NMRAL1: variants seen among roughly 807,000 people sequenced by gnomAD.
NMRAL1 encodes the protein NmrA like redox sensor 1.
In NMRAL1, 32 loss-of-function variants were observed where a neutral mutation model predicts 27.5. The ratio of observed to expected loss-of-function variants is 1.16; its 90% CI spans 0.88 to 1.56. The LOEUF (loss-of-function observed/expected upper bound fraction) is 1.56, where lower values mean the gene tolerates loss of function less well. Among genes scored for constraint, NMRAL1 ranks in the 40% most tolerant of loss-of-function variants. The probability of loss-of-function intolerance (pLI) is 0.00; values close to 1 mark genes in which losing one functional copy is unlikely to be tolerated. For missense variants in NMRAL1, 420 were observed against 392.0 expected, an observed-to-expected ratio of 1.07 and a Z score of -0.60; for synonymous variants, 166 against 166.8, an observed-to-expected ratio of 1.00 and a Z score of 0.04.
intron 5 of NMRAL1, among the ~76,000 whole-genome samples, chr16:4,463,088 C>T (rs934353819): frequency 4.6e-5 from 7 of 152,162 alleles, no homozygotes; most frequent in African/African-American, 1.2e-4. Flanking sequence ...CTCCTGACCT[C>T]AGGTGATCCA....
upstream of NMRAL1, chr16:4,474,945 A>T (rs1200956000): frequency 2.0e-5 from 3 of 152,058 alleles, no homozygotes; most frequent in Non-Finnish European, 4.4e-5. Context: ...ACTCACTTTT[A>T]AAATTTTATT....
intron 2 of NMRAL1, among the ~76,000 whole-genome samples, chr16:4,473,754 C>T (rs112787640): frequency 2.6e-5 from 4 of 151,852 alleles, no homozygotes; most frequent in African/African-American, 7.3e-5. Context: ...GATGAAACCC[C>T]GTCTCTACTA....
rs539756976 is a variant in NMRAL1 at position 4,464,598 on chromosome 16, T to C, written c.530-748A>G. The stretch of plus-strand genomic sequence containing the variant: ...AGCGCACAGACCGGAGCAGGAGATA[T>C]CCCTGACTGCAGGTTTTTTTTTTTT... On this transcript the variant is annotated intron_variant, in intron 4 of 5. Transcript: ENST00000283429. Among the ~76,000 whole-genome samples, 11 of 148,752 alleles carry C rather than the reference T, an allele frequency of 7.4e-5. No individual in the cohort carries two copies. The East Asian group carries it at 2.2e-3, about 29-fold the overall frequency.
Position 4,469,335 on chromosome 16 carries a change from T to C in NMRAL1, c.171A>G (p.Gly57=), listed in dbSNP as rs374640354. 10 of 1,613,928 alleles carry C rather than the reference T, an allele frequency of 6.2e-6. No homozygotes were observed. The African/African-American group carries it at 1.3e-4, about 22-fold the overall frequency. ...CCATGATGACCTGGTCATCTTGGTC[T>C]CCCTGCACTACTTCTGCACCTTGCA... ...LRLQGAEVVQ[G]DQDDQVIMEL... is the part of the protein sequence containing the mutation. Residue 57 remains glycine (G), a synonymous_variant, in exon 3 of 6, where the codon GGA becomes GGG. Coordinates refer to ENST00000283429, the MANE Select transcript of NMRAL1 (RefSeq NM_020677.6).
rs2057464971 is a variant in NMRAL1 at position 4,469,450 on chromosome 16, G to T, written c.56C>A (p.Ser19Tyr). 1 of 1,613,760 alleles carries T rather than the reference G, an allele frequency of 6.2e-7. No homozygotes were observed. Residue 19 changes from serine to tyrosine, a missense_variant, in exon 3 of 6, where the codon TCC (serine) becomes TAC (tyrosine). By Grantham distance (144) the Ser-to-Tyr change is moderately radical (BLOSUM62 -2). Coordinates refer to ENST00000283429, the MANE Select transcript of NMRAL1 (RefSeq NM_020677.6). ...VFGGTGAQGG[S>Y]VARTLLEDGT... ...ATCTTCCAGGAGTGTGCGGGCCACG[G>T]AGCCACCCTGGGCACCTACAAAGAA...
upstream of NMRAL1, among the ~76,000 whole-genome samples, chr16:4,475,713 G>T (rs2057804074): frequency 6.6e-6 from 1 of 151,788 alleles, no homozygotes; most frequent in African/African-American, 2.4e-5. Flanking sequence ...CGAGGCGGGT[G>T]GATCACCTGA....
chr16:4,466,370 C>T lies in NMRAL1; in HGVS notation c.312G>A (p.Leu104=), dbSNP rs1159583856. Residue 104 remains leucine (L), a synonymous_variant, in exon 4 of 6, where the codon CTG becomes CTA. Coordinates refer to ENST00000283429, the MANE Select transcript of NMRAL1 (RefSeq NM_020677.6). ...GKLLADLARR[L]GLHYVVYSGL... ...CGCTGTAGACCACATAGTGGAGGCC[C>T]AGGCGCCTGGCCAGATCAGCGAGCA... 6.2e-7 allele frequency: 1 copy of T among 1,613,128 alleles called. No individual in the cohort carries two copies. The highest frequency in any genetic ancestry group is 8.5e-7 in the Non-Finnish European group (1 of 1,180,006).
intron 2 of NMRAL1, among the ~76,000 whole-genome samples, chr16:4,472,801 G>T (rs1039728077): frequency 6.6e-6 from 1 of 150,632 alleles, no homozygotes; most frequent in Non-Finnish European, 1.5e-5. Flanking sequence ...AACAAACCTT[G>T]AAAACATGCT....
intron 4 of NMRAL1, among the ~76,000 whole-genome samples, chr16:4,464,759 C>T (rs897700924): frequency 4.6e-5 from 7 of 151,598 alleles, no homozygotes; most frequent in Non-Finnish European, 1.0e-4. Flanking sequence ...GGACTACAGG[C>T]GCCTGCCGCC....
upstream of NMRAL1, chr16:4,475,939 A>G (rs2057813770): frequency 6.6e-6 from 1 of 152,240 alleles, no homozygotes; most frequent in Non-Finnish European, 1.5e-5. Flanking sequence ...CTCGGTCTCA[A>G]AAAAAGAAAA....
chr16:4,469,184 C>G, intron 3 of NMRAL1, 43 bp downstream of exon 3: 1 of 1,427,210 alleles, frequency 7.0e-7, no homozygotes, highest in Middle Eastern at 1.8e-4. Flanking sequence ...GCGCTCTGCT[C>G]CTAGCCTGGC....
chr16:4,473,545 T>C (rs1596411842), intron 2 of NMRAL1, among the ~76,000 whole-genome samples: 1 of 152,232 alleles, frequency 6.6e-6, no homozygotes, highest in South Asian at 2.1e-4. Flanking sequence ...ATAGATGAGG[T>C]GGAAGAGGAG....
chr16:4,464,798 T>C (rs958234663), intron 4 of NMRAL1, among the ~76,000 whole-genome samples: 2 of 151,568 alleles, frequency 1.3e-5, no homozygotes, highest in Non-Finnish European at 2.9e-5. Context: ...GTATTTTTAG[T>C]AGAGACAGGG....
upstream of NMRAL1, among the ~76,000 whole-genome samples, chr16:4,475,768 G>A (rs555475568): frequency 1.8e-4 from 27 of 151,880 alleles, no homozygotes; most frequent in African/African-American, 6.3e-4. Flanking sequence ...TGAAACCCCC[G>A]TCTCTACTAA....
intron 2 of NMRAL1, among the ~76,000 whole-genome samples, chr16:4,473,868 A>G (rs2057703707): frequency 6.6e-6 from 1 of 152,014 alleles, no homozygotes; most frequent in African/African-American, 2.4e-5. Flanking sequence ...AAAGGTTGCA[A>G]TGAGCCGAGA....
At chr16:4,467,486 A>T (rs2057373532) in intron 3 of NMRAL1, among the ~76,000 whole-genome samples, 1 of 151,034 alleles carries the variant, frequency 6.6e-6, no homozygotes. Flanking sequence ...TGCCCACCTC[A>T]GCCTCCCAAA....
intron 2 of NMRAL1, among the ~76,000 whole-genome samples, chr16:4,471,807 T>G (rs2057577671): frequency 6.6e-6 from 1 of 151,780 alleles, no homozygotes; most frequent in Admixed American, 6.6e-5. Flanking sequence ...GCACAGTAGC[T>G]CATAGCTGTA....
chr16:4,475,189 G>C (rs540068989), upstream of NMRAL1, among the ~76,000 whole-genome samples: 47 of 152,188 alleles, frequency 3.1e-4, no homozygotes, highest in African/African-American at 8.7e-4. Flanking sequence ...CTGACTTAAA[G>C]TGATCCACCC....
chr16:4,473,151 T>C (rs1455110790), intron 2 of NMRAL1, among the ~76,000 whole-genome samples: 6 of 151,946 alleles, frequency 3.9e-5, no homozygotes, highest in Admixed American at 3.9e-4. Flanking sequence ...TATTTTTTTG[T>C]AGAGACGAGA....
Sources: allele counts gnomAD v4.1 joint callset (sites outside exome capture counted in the v4.1 genomes callset), GRCh38; gene constraint gnomAD v4.1.1; transcripts MANE v1.5; gene names NCBI Gene and HGNC (gene_info 2026-07-23, HGNC 2026-07-21).